ADARB2: variants seen among roughly 807,000 people sequenced by gnomAD.
ADARB2 encodes the protein inactive double-stranded RNA-specific editase B2.
ADARB2 carries 25 observed loss-of-function variants against 62.2 expected under a neutral mutation model. The observed-to-expected ratio is 0.40, with a 90% CI of 0.29 to 0.56. ADARB2 has a LOEUF of 0.56. Ranked by LOEUF, ADARB2 falls within the 20% of genes least tolerant of loss-of-function variation. The probability of loss-of-function intolerance (pLI) is 0.43; values close to 1 mark genes in which losing one functional copy is unlikely to be tolerated. For missense variants in ADARB2, 1,071 were observed against 1,077.4 expected, an observed-to-expected ratio of 0.99 and a Z score of 0.08; for synonymous variants, 572 against 500.8, an observed-to-expected ratio of 1.14 and a Z score of -1.90.
At chr10:1,295,155 G>A (rs936324919) in intron 3 of ADARB2, among the ~76,000 whole-genome samples, 9 of 152,206 alleles carry the variant, frequency 5.9e-5, no homozygotes, top group South Asian at 4.1e-4. Context: ...AGGTCATGGC[G>A]TTATGTCTGG....
chr10:1,729,417 T>C lies in ADARB2; in HGVS notation c.100+7634A>G, dbSNP rs74592175. 1.4e-3 allele frequency among the ~76,000 whole-genome samples: 216 copies of C among 152,314 alleles called. 3 individuals are homozygous for C. Among genetic ancestry groups the C allele is most frequent in the African/African-American group, 5.1e-3 (212 of 41,568 alleles). On this transcript the variant is annotated intron_variant, in intron 1 of 9. Transcript: ENST00000381312. ...AAGAATGTGGCTATTTTCACAGCTA[T>C]AAGCCCAATGCAAGCACAGCATCTG...
chr10:1,635,087 T>C (rs545219174), intron 1 of ADARB2, among the ~76,000 whole-genome samples: 2 of 152,364 alleles, frequency 1.3e-5, no homozygotes, highest in South Asian at 4.1e-4. Flanking sequence ...AAGATTATAA[T>C]GTACACTGAA....
At chr10:1,676,484 G>A (rs1463421528) in intron 1 of ADARB2, among the ~76,000 whole-genome samples, 1 of 152,188 alleles carries the variant, frequency 6.6e-6, no homozygotes, top group Non-Finnish European at 1.5e-5. Context: ...GCACCTGAGA[G>A]TGACATAAGC....
chr10:1,232,741 G>GTA (rs1316533970), intron 6 of ADARB2, among the ~76,000 whole-genome samples: 9 of 7,076 alleles, frequency 1.3e-3, no homozygotes, highest in African/African-American at 3.5e-3. Context: ...TGTGACATGA[G>GTA]TAGTGTATGT....
At chr10:1,209,279 GCCTACACCATCACCCATGCCCACA>G (rs1228640536) in intron 7 of ADARB2, among the ~76,000 whole-genome samples, 10 of 149,372 alleles carry the variant, frequency 6.7e-5, no homozygotes, top group Admixed American at 4.0e-4. Context: ...CCATGCCCAC[GCCTACACCATCACCCATGCCCACA>G]CCTACAGCCT....
intron 7 of ADARB2, among the ~76,000 whole-genome samples, chr10:1,209,315 GCCCACA>G (rs1222100601): frequency 1.4e-5 from 2 of 147,318 alleles, no homozygotes; most frequent in African/African-American, 5.1e-5. Flanking sequence ...CTACAGCCTC[GCCCACA>G]CCCACGCCAT....
Position 1,233,599 on chromosome 10 carries a change from G to A in ADARB2, c.1513+95C>T, listed in dbSNP as rs141933257. On this transcript the variant is annotated intron_variant, in intron 6 of 9. Transcript: ENST00000381312. ...AGTACCCAAGGGCCCCACACACCGC[G>A]CCCCTGCCCTGGGCTGTGAAAGCCC... 2.0e-3 allele frequency: 2,686 copies of A among 1,331,674 alleles called. 6 individuals carry two copies. The highest frequency in any genetic ancestry group is 9.9e-3 in the East Asian group (379 of 38,378). 82.5% of individuals were successfully genotyped at this position (1,331,674 alleles called of 1,614,324 possible).
At chr10:1,567,559 G>A (rs1472485472) in intron 1 of ADARB2, among the ~76,000 whole-genome samples, 2 of 152,140 alleles carry the variant, frequency 1.3e-5, no homozygotes, top group Admixed American at 1.3e-4. Context: ...ATGAAAGGAC[G>A]GTCAGCCCCT....
chr10:1,521,979 G>T lies in ADARB2; in HGVS notation c.101-142819C>A, dbSNP rs546506801. On this transcript the variant is annotated intron_variant, in intron 1 of 9. Transcript: ENST00000381312. ...TCGTGGGCCGGGTCACCCATATTTG[G>T]CTCGGAATAAATCTCTTCAAATATT... Among the ~76,000 whole-genome samples the T allele has an allele frequency of 1.4e-4, 21 of 152,244 alleles. No homozygotes were observed. The South Asian group carries it at 3.9e-3, about 29-fold the overall frequency.
At chr10:1,530,735 A>G (rs942422150) in intron 1 of ADARB2, among the ~76,000 whole-genome samples, 8 of 152,342 alleles carry the variant, frequency 5.3e-5, no homozygotes, top group African/African-American at 1.7e-4. Context: ...TGCTCACGGC[A>G]TCTCTGGGTT....
intron 1 of ADARB2, among the ~76,000 whole-genome samples, chr10:1,681,494 A>AC (rs1564366405): frequency 6.6e-6 from 1 of 151,964 alleles, no homozygotes; most frequent in African/African-American, 2.4e-5. Context: ...TTAAAAAAAA[A>AC]AACCCTAAAC....
At chr10:1,534,674 G>A (rs774649728) in intron 1 of ADARB2, 15 of 158,156 alleles carry the variant, frequency 9.5e-5, no homozygotes, top group Admixed American at 2.6e-4. Flanking sequence ...ACCAATGCCC[G>A]TCTCTATGGC....
intron 1 of ADARB2, among the ~76,000 whole-genome samples, chr10:1,608,158 T>A (rs1323347913): frequency 6.6e-6 from 1 of 152,230 alleles, no homozygotes; most frequent in Non-Finnish European, 1.5e-5. Flanking sequence ...TGACATAGTA[T>A]AAAAGTCTGT....
intron 8 of ADARB2, among the ~76,000 whole-genome samples, chr10:1,189,950 C>G (rs1200266382): frequency 6.6e-6 from 1 of 151,886 alleles, no homozygotes; most frequent in Non-Finnish European, 1.5e-5. Flanking sequence ...GTGGCGCTAC[C>G]TCCTTCCCCA....
At chr10:1,409,823 G>A (rs1192945042) in intron 1 of ADARB2, among the ~76,000 whole-genome samples, 1 of 126,840 alleles carries the variant, frequency 7.9e-6, no homozygotes, top group Non-Finnish European at 1.8e-5. Flanking sequence ...ATTCTCAGTG[G>A]TGCTGAGGCC....
intron 1 of ADARB2, among the ~76,000 whole-genome samples, chr10:1,601,781 A>C (rs1049913879): frequency 4.6e-5 from 7 of 152,220 alleles, no homozygotes; most frequent in African/African-American, 1.7e-4. Context: ...CATCTTTCAA[A>C]GAAATCTTTA....
At chr10:1,443,218 G>C (rs10751800) in intron 1 of ADARB2, among the ~76,000 whole-genome samples, 145,087 of 152,144 alleles carry the variant, frequency 0.95, 69,544 homozygotes, top group East Asian at 1. Flanking sequence ...TTTCTGTCCT[G>C]TGCTTGGGAC....
intron 7 of ADARB2, among the ~76,000 whole-genome samples, chr10:1,202,248 G>A (rs1167445462): frequency 6.6e-6 from 1 of 151,854 alleles, no homozygotes; most frequent in Non-Finnish European, 1.5e-5. Flanking sequence ...TGGTCTTTGT[G>A]TGTGTGTGTG....
rs1186588012 is a variant in ADARB2 at position 1,180,378 on chromosome 10, G to A, written c.*2815C>T. 1 of 151,692 alleles carries A rather than the reference G, an allele frequency of 6.6e-6. No individual in the cohort carries two copies. The highest frequency in any genetic ancestry group is 1.5e-5 in the Non-Finnish European group (1 of 67,862). The allele number at this position is 151,692 out of a possible 1,614,324, so 9.4% of individuals were successfully genotyped here. A position where few individuals can be genotyped will look rare whatever the true frequency, so the allele number is the denominator to read the frequency against. On this transcript the variant is annotated 3_prime_UTR_variant, in exon 10 of 10. Transcript: ENST00000381312. ...GGGGCTGTGGGAATCCTGGGACTCG[G>A]CCCCCCCAAGCATAGCTGGGGCTGT...
Sources: gnomAD v4.1 joint callset for allele counts (sites outside exome capture counted in the v4.1 genomes callset) on GRCh38, gnomAD v4.1.1 for gene constraint, MANE v1.5 for transcripts, NCBI Gene and HGNC (gene_info 2026-07-23, HGNC 2026-07-21) for gene names.